KCNMA1: variants seen among roughly 807,000 people sequenced by gnomAD.
KCNMA1 encodes the protein potassium calcium-activated channel subfamily M alpha 1, also known as Calcium-activated potassium channel subunit alpha-1.
KCNMA1 carries 29 observed loss-of-function variants against 140.0 expected under a neutral mutation model. That is an observed-to-expected ratio of 0.21 (90% CI 0.15 to 0.28). The LOEUF is 0.28. Ranked by LOEUF, KCNMA1 falls within the 10% of genes least tolerant of loss-of-function variation. KCNMA1 has a pLI of 1.00. For synonymous variants in KCNMA1, 612 were observed against 611.9 expected, an observed-to-expected ratio of 1.00 and a Z score of 0.00; for missense variants, 880 against 1,602.2, an observed-to-expected ratio of 0.55 and a Z score of 7.70.
chr10:76,894,367 G>A (rs1256157589), intron 25 of KCNMA1, among the ~76,000 whole-genome samples: 1 of 152,070 alleles, frequency 6.6e-6, no homozygotes, highest in Non-Finnish European at 1.5e-5. Context: ...AGCTAAAACT[G>A]CAAAATGCTT....
intron 3 of KCNMA1, among the ~76,000 whole-genome samples, chr10:77,235,953 C>A (rs1340176167): frequency 6.6e-6 from 1 of 152,106 alleles, no homozygotes; most frequent in African/African-American, 2.4e-5. Flanking sequence ...CTTGGGCTGG[C>A]CAGATAGTAA....
chr10:76,947,921 T>C (rs1212372399), intron 22 of KCNMA1, among the ~76,000 whole-genome samples: 3 of 152,246 alleles, frequency 2.0e-5, no homozygotes, highest in Non-Finnish European at 4.4e-5. Flanking sequence ...ATAACAGAAA[T>C]AATACATTTT....
intron 1 of KCNMA1, among the ~76,000 whole-genome samples, chr10:77,483,542 G>A (rs966134574): frequency 1.3e-5 from 2 of 152,156 alleles, no homozygotes; most frequent in Non-Finnish European, 2.9e-5. Flanking sequence ...CGATCACCTG[G>A]CTCTATCTTG....
intron 2 of KCNMA1, among the ~76,000 whole-genome samples, chr10:77,373,259 A>C (rs2094864158): frequency 6.6e-6 from 1 of 152,090 alleles, no homozygotes; most frequent in Non-Finnish European, 1.5e-5. Flanking sequence ...ATGAGTCACA[A>C]TTTTAACTTT....
intron 3 of KCNMA1, among the ~76,000 whole-genome samples, chr10:77,193,445 G>A (rs945353666): frequency 2.6e-4 from 40 of 152,148 alleles, no homozygotes; most frequent in Admixed American, 2.2e-3. Context: ...CTACTCACTC[G>A]TTCCACTCCC....
At chr10:76,937,947 G>C (rs2060998924) in intron 23 of KCNMA1, among the ~76,000 whole-genome samples, 1 of 150,614 alleles carries the variant, frequency 6.6e-6, no homozygotes, top group African/African-American at 2.5e-5. Flanking sequence ...GTGTGTGTCT[G>C]TGTGTCTATA....
chr10:77,406,898 A>C (rs1424320135), intron 1 of KCNMA1, among the ~76,000 whole-genome samples: 1 of 152,076 alleles, frequency 6.6e-6, no homozygotes, highest in African/African-American at 2.4e-5. Flanking sequence ...CCCAAGTTCC[A>C]CAGCCCCTTG....
intron 14 of KCNMA1, among the ~76,000 whole-genome samples, chr10:77,060,028 T>C (rs2095680334): frequency 6.6e-6 from 1 of 152,170 alleles, no homozygotes. Flanking sequence ...ATCTTGATGC[T>C]GAAAACTATA....
chr10:77,179,730 A>C (rs1298241933), intron 5 of KCNMA1, among the ~76,000 whole-genome samples: 2 of 152,134 alleles, frequency 1.3e-5, no homozygotes, highest in Admixed American at 1.3e-4. Flanking sequence ...CACTCCCAGG[A>C]GATGTGACCT....
At position 77,089,853 on chromosome 10, in the gene KCNMA1, T is replaced by C. The variant is rs147202657; in HGVS notation, c.1334+547A>G. 9.2e-5 allele frequency among the ~76,000 whole-genome samples: 14 copies of C among 152,278 alleles called. No individual in the cohort carries two copies. In the East Asian group the frequency reaches 2.7e-3, roughly 29 times the overall value. ...CAGATCAGGGAATCTGAGTCCAGAATATGTATTTTTACTCTGTTTGTGGAG... is the reference window on the plus strand; with the variant it reads ...CAGATCAGGGAATCTGAGTCCAGAACATGTATTTTTACTCTGTTTGTGGAG... On this transcript the variant is annotated intron_variant, in intron 10 of 27. Coordinates refer to ENST00000286628, the MANE Select transcript of KCNMA1 (RefSeq NM_001161352.2).
chr10:76,903,176 A>G (rs537944262), intron 25 of KCNMA1: 34 of 152,466 alleles, frequency 2.2e-4, no homozygotes, highest in African/African-American at 8.2e-4. Flanking sequence ...AACCCGCCCA[A>G]GCATCCTCCT....
chr10:77,105,272 A>G (rs540427586), intron 9 of KCNMA1, among the ~76,000 whole-genome samples: 55 of 152,216 alleles, frequency 3.6e-4, no homozygotes, highest in Non-Finnish European at 7.1e-4. Context: ...GGCTTTGAGA[A>G]TGCTACTTGA....
At chr10:77,521,619 GATAA>G (rs1286568043) in intron 1 of KCNMA1, among the ~76,000 whole-genome samples, 1 of 152,212 alleles carries the variant, frequency 6.6e-6, no homozygotes, top group Non-Finnish European at 1.5e-5. Context: ...GAGGCTCTTG[GATAA>G]ATAAATATCT....
chr10:77,427,417 A>G (rs1029734619), intron 1 of KCNMA1, among the ~76,000 whole-genome samples: 3 of 152,350 alleles, frequency 2.0e-5, no homozygotes, highest in Non-Finnish European at 2.9e-5. Context: ...CTCCCCTGGA[A>G]GGGGGCACTA....
chr10:77,370,235 C>T (rs1378924159), intron 2 of KCNMA1, among the ~76,000 whole-genome samples: 1 of 152,158 alleles, frequency 6.6e-6, no homozygotes, highest in South Asian at 2.1e-4. Flanking sequence ...TAATATTTCT[C>T]TTTAAAGTTG....
chr10:77,603,612 G>A (rs1225639750), intron 1 of KCNMA1, among the ~76,000 whole-genome samples: 1 of 152,130 alleles, frequency 6.6e-6, no homozygotes, highest in Non-Finnish European at 1.5e-5. Flanking sequence ...GGAGTTAGAA[G>A]AGGAAACAGC....
intron 3 of KCNMA1, among the ~76,000 whole-genome samples, chr10:77,213,278 C>T (rs1252943185): frequency 6.6e-6 from 1 of 152,154 alleles, no homozygotes; most frequent in Admixed American, 6.5e-5. Context: ...TAGCTTTCAG[C>T]ACCTATACTT....
chr10:77,342,520 C>A (rs1475606474), intron 2 of KCNMA1, among the ~76,000 whole-genome samples: 1 of 152,200 alleles, frequency 6.6e-6, no homozygotes, highest in African/African-American at 2.4e-5. Flanking sequence ...CAACCCCCAG[C>A]CAGATTCCTA....
At chr10:77,506,834 AGAGAGAGTGT>A (rs2046288758) in intron 1 of KCNMA1, among the ~76,000 whole-genome samples, 1 of 124,950 alleles carries the variant, frequency 8.0e-6, no homozygotes, top group Non-Finnish European at 1.6e-5. Context: ...AGAGAGAGAG[AGAGAGAGTGT>A]GTGTGTGTGT....
Sources: gnomAD v4.1 joint callset for allele counts (sites outside exome capture counted in the v4.1 genomes callset) on GRCh38, gnomAD v4.1.1 for gene constraint, MANE v1.5 for transcripts, NCBI Gene and HGNC (gene_info 2026-07-23, HGNC 2026-07-21) for gene names.